Variants in CRLF2 observed in about 807,000 individuals in gnomAD.
CRLF2 encodes cytokine receptor-like factor 2.
A neutral mutation model predicts 38.7 loss-of-function variants in CRLF2; 41 were observed. That is an observed-to-expected ratio of 1.06 (90% CI 0.83 to 1.37). The LOEUF (loss-of-function observed/expected upper bound fraction) is 1.37. Ranked by LOEUF, CRLF2 falls within the 40% of genes most tolerant of loss-of-function variation. The pLI, the probability that CRLF2 is intolerant of heterozygous loss-of-function variation, is 0.00. For missense variants in CRLF2, 377 were observed against 322.2 expected (o/e 1.17, Z -1.30); for synonymous variants, 140 against 128.8 (o/e 1.09, Z -0.59).
intron 2 of CRLF2, 84 bp downstream of exon 2, chrX:1,208,722 C>G: frequency 2.4e-6 from 2 of 845,178 alleles, no homozygotes; most frequent in Non-Finnish European, 2.1e-6. Context: ...CACTTTTGTT[C>G]TCAAGCATTC....
intron 5 of CRLF2, 135 bp downstream of exon 5, chrX:1,198,423 ACCTC>A: frequency 6.2e-6 from 2 of 320,712 alleles, no homozygotes; most frequent in Non-Finnish European, 1.2e-5. Flanking sequence ...CCTCCCTCCC[ACCTC>A]CCAGGAAGGC....
chrX:1,197,088 T>G (rs1409899107), intron 5 of CRLF2, among the ~76,000 whole-genome samples, 188 bp from the exon 6 acceptor site: 1 of 128,178 alleles, frequency 7.8e-6, no homozygotes, highest in Non-Finnish European at 1.6e-5. Flanking sequence ...TCAGCAAATC[T>G]TTTACTTTTT....
At chrX:1,193,498 C>T (rs1303664455) in intron 6 of CRLF2, among the ~76,000 whole-genome samples, 196 bp from the exon 7 acceptor site, 2 of 152,032 alleles carry the variant, frequency 1.3e-5, no homozygotes, top group Non-Finnish European at 2.9e-5. Context: ...CATCAGGAGG[C>T]CGGGAGTGGT....
chrX:1,209,842 G>A (rs1411528119), intron 1 of CRLF2, among the ~76,000 whole-genome samples: 1 of 151,804 alleles, frequency 6.6e-6, no homozygotes, highest in African/African-American at 2.4e-5. Flanking sequence ...AGCGGCTCAC[G>A]TCTGTAATCT....
Position 1,193,293 on chromosome X carries a change from C to A in CRLF2, c.777G>T (p.Lys259Asn), listed in dbSNP as rs2086425579. The A allele has an allele frequency of 7.5e-6, 3 of 398,636 alleles. No homozygotes were observed. Among genetic ancestry groups the A allele is most frequent in the Non-Finnish European group, 1.3e-5 (3 of 226,306 alleles). The allele number at this position is 398,636 out of a possible 1,614,324, so 24.7% of individuals were successfully genotyped here. The change falls in exon 7 of 8, where the codon AAG becomes AAT. Residue 259 changes from lysine to asparagine, a missense_variant. Physicochemically the swap from Lys to Asn is moderately conservative, Grantham distance 94. Transcript: ENST00000400841. ...GGTCTGGCACGCTGGGAATGAGAAACTTCTTCACTCTGAAATAGAGACGGA... is the reference window on the plus strand; with the variant it reads ...GGTCTGGCACGCTGGGAATGAGAAAATTCTTCACTCTGAAATAGAGACGGA... ...LSLWKLWRVK[K>N]FLIPSVPDPK...
rs1170558400 is a variant in CRLF2, at chrX:1,211,469, GTGGA to G, written c.79+1083_79+1086del. On this transcript the variant is annotated intron_variant, in intron 1 of 7. Coordinates refer to ENST00000400841, the MANE Select transcript of CRLF2 (RefSeq NM_022148.4). ...TATTGGTGGATGGATGGGTGGATGG[GTGGA>G]TGGATGGATGGATGGATGGATAAGT... 3.4e-4 allele frequency among the ~76,000 whole-genome samples: 15 copies of G among 43,982 alleles called. 1 individual carries two copies. Among genetic ancestry groups the G allele is most frequent in the Non-Finnish European group, 3.8e-4 (9 of 23,484 alleles). 28.9% of individuals were successfully genotyped at this position (43,982 alleles called of 152,430 possible). A position where few individuals can be genotyped will look rare whatever the true frequency, so the allele number is the denominator to read the frequency against.
intron 1 of CRLF2, among the ~76,000 whole-genome samples, chrX:1,210,112 AAAAGAAAAG>A (rs1194803975): frequency 1.6e-3 from 36 of 22,876 alleles, no homozygotes; most frequent in East Asian, 6.3e-3. Flanking sequence ...TCAAAAAAAA[AAAAGAAAAG>A]AAAAGAAAAG....
chrX:1,191,316 T>TCTTTCTTTCTTTCTTTCTTTC, intron 7 of CRLF2, among the ~76,000 whole-genome samples, 156 bp from the exon 8 acceptor site: 1 of 113,610 alleles, frequency 8.8e-6, no homozygotes, highest in East Asian at 3.2e-4. Context: ...TTTCTTTCTT[T>TCTTTCTTTCTTTCTTTCTTTC]CTTTCTTTCT....
chrX:1,205,304 T>G (rs1415285390), intron 3 of CRLF2, among the ~76,000 whole-genome samples: 1 of 152,164 alleles, frequency 6.6e-6, no homozygotes, highest in Non-Finnish European at 1.5e-5. Context: ...ATGAGCTTGA[T>G]TTTCAGAACT....
chrX:1,211,873 GTAGA>G lies in CRLF2; in HGVS notation c.79+679_79+682del, dbSNP rs1380591217. On this transcript the variant is annotated intron_variant, in intron 1 of 7. Coordinates refer to ENST00000400841, the MANE Select transcript of CRLF2 (RefSeq NM_022148.4). ...AATGCATGGATGGATGGATGTATTG[GTAGA>G]TGGATGGGTGGATGGGTGGATGGAT... Among the ~76,000 whole-genome samples, 155 of 80,396 alleles carry G rather than the reference GTAGA, an allele frequency of 1.9e-3. 2 individuals carry two copies. Among genetic ancestry groups the G allele is most frequent in the African/African-American group, 0.01 (147 of 14,278 alleles). 52.7% of individuals were successfully genotyped at this position (80,396 alleles called of 152,430 possible).
In CRLF2 at chrX:1,198,732, A is replaced by AACAT. The variant is rs199800966; in HGVS notation, c.484-12_484-9dup. ...GGTATTTTCCTGTTTGGACTGGAGA[A>AACAT]ACATACACACACACACACACACACA... On this transcript the variant is annotated splice_polypyrimidine_tract_variant and intron_variant, in intron 4 of 7. Coordinates refer to ENST00000400841, the MANE Select transcript of CRLF2 (RefSeq NM_022148.4). The AACAT allele has an allele frequency of 1.0e-5, 9 of 874,018 alleles. No individual in the cohort carries two copies. Among genetic ancestry groups the AACAT allele is most frequent in the African/African-American group, 9.5e-5 (4 of 42,254 alleles). 54.1% of individuals were successfully genotyped at this position (874,018 alleles called of 1,614,324 possible).
chrX:1,208,797 G>A lies in CRLF2; in HGVS notation c.182+9C>T. ...TGGGCGTGGGGTTCGCTTTCTGGGGGCCACTTACCTGTAGTGGAAAGTCAG... is the reference window on the plus strand; with the variant it reads ...TGGGCGTGGGGTTCGCTTTCTGGGGACCACTTACCTGTAGTGGAAAGTCAG... On this transcript the variant is annotated intron_variant, in intron 2 of 7. Coordinates refer to ENST00000400841, the MANE Select transcript of CRLF2 (RefSeq NM_022148.4). 3 of 1,547,870 alleles carry A rather than the reference G, an allele frequency of 1.9e-6. No homozygotes were observed. Among genetic ancestry groups the A allele is most frequent in the Admixed American group, 1.7e-5 (1 of 59,774 alleles).
chrX:1,196,641 C>A, intron 6 of CRLF2, 139 bp downstream of exon 6: 1 of 1,120,672 alleles, frequency 8.9e-7, no homozygotes, highest in Non-Finnish European at 1.2e-6. Flanking sequence ...TTCTTATAAT[C>A]CACCATCAGA....
chrX:1,192,724 CTTT>C (rs2086411550), intron 7 of CRLF2, among the ~76,000 whole-genome samples: 1 of 65,660 alleles, frequency 1.5e-5, no homozygotes, highest in Non-Finnish European at 2.9e-5. Context: ...TTCTTTCTTT[CTTT>C]CTTTCTTTCT....
chrX:1,197,581 C>T (rs376554910), intron 5 of CRLF2, among the ~76,000 whole-genome samples: 6 of 151,966 alleles, frequency 3.9e-5, no homozygotes, highest in South Asian at 4.2e-4. Flanking sequence ...TTTGGGAGGC[C>T]GAGGCGGGCG....
At chrX:1,209,603 T>C (rs2086759659) in intron 1 of CRLF2, among the ~76,000 whole-genome samples, 2 of 152,060 alleles carry the variant, frequency 1.3e-5, no homozygotes, top group African/African-American at 4.8e-5. Flanking sequence ...AGTGCTGAGA[T>C]TGCAGGCGTG....
At chrX:1,194,902 C>G (rs1335880819) in intron 6 of CRLF2, among the ~76,000 whole-genome samples, 14 of 151,362 alleles carry the variant, frequency 9.2e-5, no homozygotes, top group Middle Eastern at 3.4e-3. Context: ...TGTGGTGGCG[C>G]GCACCTGTAG....
At chrX:1,194,738 G>A (rs1472909351) in intron 6 of CRLF2, among the ~76,000 whole-genome samples, 23 of 152,118 alleles carry the variant, frequency 1.5e-4, no homozygotes, top group African/African-American at 3.6e-4. Context: ...GTCTTTATAA[G>A]AAGAGAAGGT....
In CRLF2 at chrX:1,196,919, G is replaced by A. The variant is rs1238469500; in HGVS notation, c.647-19C>T. 4.3e-6 allele frequency: 7 copies of A among 1,610,610 alleles called. No individual in the cohort carries two copies. Among genetic ancestry groups the A allele is most frequent in the South Asian group, 1.1e-5 (1 of 90,832 alleles). The stretch of plus-strand genomic sequence containing the variant: ...CAGGCATCTGAAACAAAATGAAAAG[G>A]CGGCTGTCAGTTTTCAACATGACGT... On this transcript the variant is annotated intron_variant, in intron 5 of 7. Transcript: ENST00000400841.
Sources: allele counts gnomAD v4.1 joint callset (sites outside exome capture counted in the v4.1 genomes callset), GRCh38; gene constraint gnomAD v4.1.1; transcripts MANE v1.5; gene names NCBI Gene and HGNC (gene_info 2026-07-23, HGNC 2026-07-21).